Variants in PTPRJ observed in about 807,000 individuals in gnomAD.
PTPRJ encodes the protein protein tyrosine phosphatase receptor type J, also known as receptor-type tyrosine-protein phosphatase eta.
A neutral mutation model predicts 141.3 loss-of-function variants in PTPRJ; 129 were observed. The observed-to-expected ratio is 0.91, with a 90% CI of 0.79 to 1.06. The LOEUF (loss-of-function observed/expected upper bound fraction) is 1.06. Ranked by LOEUF, PTPRJ falls within the 50% of genes least tolerant of loss-of-function variation. PTPRJ has a pLI of 0.00. For synonymous variants in PTPRJ, 610 were observed against 640.5 expected, an observed-to-expected ratio of 0.95 and a Z score of 0.72; for missense variants, 1,601 against 1,679.7, an observed-to-expected ratio of 0.95 and a Z score of 0.82.
chr11:48,049,151 G>C (rs1191192810), intron 1 of PTPRJ, among the ~76,000 whole-genome samples: 1 of 152,054 alleles, frequency 6.6e-6, no homozygotes, highest in Non-Finnish European at 1.5e-5. Context: ...TGTTGTGAGC[G>C]CTGTCCTGTG....
chr11:48,148,438 CA>C (rs1403978538), intron 15 of PTPRJ, among the ~76,000 whole-genome samples: 1 of 151,332 alleles, frequency 6.6e-6, no homozygotes, highest in Non-Finnish European at 1.5e-5. Context: ...CATTTCATCA[CA>C]ATTTTTTTTT....
intron 1 of PTPRJ, among the ~76,000 whole-genome samples, chr11:48,039,433 T>C (rs1854216247): frequency 6.6e-6 from 1 of 151,866 alleles, no homozygotes; most frequent in African/African-American, 2.4e-5. Context: ...GCAGTCCATA[T>C]ACCATATAAC....
At chr11:47,985,511 A>G (rs1199781359) in intron 1 of PTPRJ, among the ~76,000 whole-genome samples, 1 of 152,100 alleles carries the variant, frequency 6.6e-6, no homozygotes, top group Non-Finnish European at 1.5e-5. Context: ...TGGAATCTTC[A>G]CAGAGAAATA....
At chr11:48,056,619 C>T (rs1165847115) in intron 1 of PTPRJ, among the ~76,000 whole-genome samples, 3 of 152,210 alleles carry the variant, frequency 2.0e-5, no homozygotes, top group South Asian at 2.1e-4. Flanking sequence ...CACAATAAAG[C>T]GATAAGGTAG....
chr11:48,084,795 C>G (rs901839497), intron 1 of PTPRJ, among the ~76,000 whole-genome samples: 1 of 152,134 alleles, frequency 6.6e-6, no homozygotes, highest in Non-Finnish European at 1.5e-5. Flanking sequence ...CACTTTGCTG[C>G]TTGGGGTCCA....
At chr11:48,076,800 A>AG (rs1464543422) in intron 1 of PTPRJ, among the ~76,000 whole-genome samples, 2 of 151,566 alleles carry the variant, frequency 1.3e-5, no homozygotes, top group East Asian at 3.9e-4. Flanking sequence ...AAAAAAAAAA[A>AG]GATGTCTTAG....
At chr11:48,078,051 TTTTTTC>T (rs1855454550) in intron 1 of PTPRJ, among the ~76,000 whole-genome samples, 1 of 152,004 alleles carries the variant, frequency 6.6e-6, no homozygotes, top group Admixed American at 6.6e-5. Context: ...TCAGTGTTTT[TTTTTTC>T]TTTTTCTTTT....
chr11:48,124,477 T>G (rs1024973238), intron 5 of PTPRJ, among the ~76,000 whole-genome samples: 3 of 152,204 alleles, frequency 2.0e-5, no homozygotes, highest in Non-Finnish European at 4.4e-5. Context: ...CTTGCTTCTT[T>G]CTGTTCATCA....
chr11:48,018,839 A>G (rs1246921007), intron 1 of PTPRJ, among the ~76,000 whole-genome samples: 3 of 152,160 alleles, frequency 2.0e-5, no homozygotes, highest in Admixed American at 6.5e-5. Context: ...GTTTTCATTC[A>G]TGCAAATGGA....
Position 48,153,797 on chromosome 11 carries a change from A to G in PTPRJ, c.3140A>G (p.Asp1047Gly), listed in dbSNP as rs1857539269. The change falls in exon 19 of 25, where the codon GAT becomes GGT. Residue 1047 changes from aspartate (D) to glycine (G), a missense_variant and splice_region_variant. Transcript: ENST00000418331. ...ACACCTCATTTGTTTTGTTTTCAGG[A>G]TCTGAAGCTTGTTGGAATTAGTCAA... is the stretch of plus-strand genomic sequence containing the variant. ...SNCGFAEEYE[D>G]LKLVGISQPK... 3 of 1,607,434 alleles carry G rather than the reference A, an allele frequency of 1.9e-6. No individual in the cohort carries two copies. The highest frequency in any genetic ancestry group is 2.6e-6 in the Non-Finnish European group (3 of 1,174,072).
chr11:47,991,518 G>C (rs1485535356), intron 1 of PTPRJ, among the ~76,000 whole-genome samples: 1 of 152,072 alleles, frequency 6.6e-6, no homozygotes, highest in Non-Finnish European at 1.5e-5. Flanking sequence ...TTCCACGGCA[G>C]CAAGGTGATT....
intron 1 of PTPRJ, among the ~76,000 whole-genome samples, chr11:48,061,023 G>A (rs764981497): frequency 3.9e-5 from 6 of 152,034 alleles, no homozygotes; most frequent in Admixed American, 6.6e-5. Flanking sequence ...TTTTGGAGAC[G>A]GAGTTTTGCT....
At chr11:48,137,387 T>G in intron 10 of PTPRJ, 106 bp downstream of exon 10, 1 of 1,256,812 alleles carries the variant, frequency 8.0e-7, no homozygotes, top group South Asian at 1.4e-5. Flanking sequence ...TGATGTGCAG[T>G]GATGGACATT....
In PTPRJ at chr11:48,125,073, A is replaced by G. The variant is rs746698373; in HGVS notation, c.980A>G (p.Asp327Gly). 6.2e-7 allele frequency: 1 copy of G among 1,614,070 alleles called. No homozygotes were observed. The highest frequency in any genetic ancestry group is 8.5e-7 in the Non-Finnish European group (1 of 1,180,000). Residue 327 changes from aspartate (D) to glycine (G), a missense_variant, in exon 6 of 25, where the codon GAC becomes GGC. Asp to Gly is a moderately conservative substitution (Grantham distance 94). Coordinates refer to ENST00000418331, the MANE Select transcript of PTPRJ (RefSeq NM_002843.4). Reference sequence around the variant, plus strand: ...CCATCCTCCGGCCAGCAGTCCCGAGACACGGAAGTCCTGCTTGTCGGGTTA... The same window carrying G: ...CCATCCTCCGGCCAGCAGTCCCGAGGCACGGAAGTCCTGCTTGTCGGGTTA... The part of the protein sequence containing the change: ...VDPSSGQQSR[D>G]TEVLLVGLEP...
At chr11:48,103,287 C>A (rs1254041108) in intron 1 of PTPRJ, among the ~76,000 whole-genome samples, 1 of 152,012 alleles carries the variant, frequency 6.6e-6, no homozygotes, top group African/African-American at 2.4e-5. Context: ...AGGGAGACCC[C>A]ATTTCTACAA....
At chr11:48,097,335 G>C (rs78087267) in intron 1 of PTPRJ, among the ~76,000 whole-genome samples, 8,660 of 152,256 alleles carry the variant, frequency 0.057, 224 homozygotes, top group East Asian at 0.084. Context: ...GGAATTTGAG[G>C]TATGTTGATA....
At chr11:48,130,256 G>T (rs1331584438) in intron 7 of PTPRJ, among the ~76,000 whole-genome samples, 1 of 151,938 alleles carries the variant, frequency 6.6e-6, no homozygotes, top group Non-Finnish European at 1.5e-5. Flanking sequence ...CAGAGCTTCT[G>T]CACTCTCATG....
At chr11:48,001,299 C>G (rs1397394346) in intron 1 of PTPRJ, among the ~76,000 whole-genome samples, 1 of 151,722 alleles carries the variant, frequency 6.6e-6, no homozygotes, top group Non-Finnish European at 1.5e-5. Flanking sequence ...GGCCCCATAT[C>G]ACTTCTTATT....
rs1394453552 is a variant in PTPRJ at position 48,128,037 on chromosome 11, C to T, written c.1351C>T (p.His451Tyr). 1 of 1,612,452 alleles carries T rather than the reference C, an allele frequency of 6.2e-7. No homozygotes were observed. Residue 451 changes from histidine to tyrosine, a missense_variant, in exon 7 of 25, where the codon CAC (histidine) becomes TAC (tyrosine). Coordinates refer to ENST00000418331, the MANE Select transcript of PTPRJ (RefSeq NM_002843.4). Reference sequence around the variant, plus strand: ...GGGCACGCCGGGCTTCCTCCAAGTGCACACCCGTGAGTTCATGCCTGGCTC... The same window carrying T: ...GGGCACGCCGGGCTTCCTCCAAGTGTACACCCGTGAGTTCATGCCTGGCTC... ...IEGTPGFLQV[H>Y]TPPVPVSDFR...
Sources: allele counts gnomAD v4.1 joint callset (sites outside exome capture counted in the v4.1 genomes callset), GRCh38; gene constraint gnomAD v4.1.1; transcripts MANE v1.5; gene names NCBI Gene and HGNC (gene_info 2026-07-23, HGNC 2026-07-21).